Variants in TSPAN9 observed in about 807,000 individuals in gnomAD.
TSPAN9 encodes the protein tetraspanin 9, also known as tetraspanin-9.
A neutral mutation model predicts 31.0 loss-of-function variants in TSPAN9; 16 were observed. The observed-to-expected ratio is 0.52, with a 90% confidence interval of 0.35 to 0.78. TSPAN9 has a LOEUF of 0.78. Ranked by LOEUF, TSPAN9 falls within the 30% of genes least tolerant of loss-of-function variation. The pLI is 0.01. For synonymous variants in TSPAN9, 145 were observed against 121.6 expected (o/e 1.19, Z -1.27); for missense variants, 272 against 312.5 (o/e 0.87, Z 0.98).
intron 2 of TSPAN9, among the ~76,000 whole-genome samples, chr12:3,177,518 C>T (rs1027052793): frequency 6.6e-6 from 1 of 152,096 alleles, no homozygotes; most frequent in African/African-American, 2.4e-5. Context: ...CTGCACTCTC[C>T]GCCTCCTGGT....
chr12:3,086,031 T>C (rs954001515), intron 2 of TSPAN9, among the ~76,000 whole-genome samples: 23 of 152,204 alleles, frequency 1.5e-4, no homozygotes, highest in Admixed American at 1.3e-3. Context: ...CTCTTCTTCG[T>C]GCCCGTGCCT....
In TSPAN9 at chr12:3,187,378, C is replaced by T. The variant is rs996603708; in HGVS notation, c.-17-13799C>T. On this transcript the variant is annotated intron_variant, in intron 2 of 8. Coordinates refer to ENST00000011898, the MANE Select transcript of TSPAN9 (RefSeq NM_006675.5). This position sits in a 1 kb window ranked among gnomAD's most constrained non-coding sequence, Gnocchi z 5.2. The stretch of plus-strand genomic sequence containing the variant: ...CAGCCTGCTTCCTTCCTTCCTCTGC[C>T]TGCCTTTGTGCAGGTGGCATGGGTA... Among the ~76,000 whole-genome samples, 2 of 152,178 alleles carry T rather than the reference C, an allele frequency of 1.3e-5. No homozygotes were observed. The highest frequency in any genetic ancestry group is 2.9e-5 in the Non-Finnish European group (2 of 68,046).
chr12:3,097,206 TC>T (rs1419496641), intron 2 of TSPAN9, among the ~76,000 whole-genome samples: 1 of 152,060 alleles, frequency 6.6e-6, no homozygotes, highest in Non-Finnish European at 1.5e-5. Flanking sequence ...GTCGTTTCTC[TC>T]CCCCTCCCAT....
At chr12:3,188,584 C>A (rs2153971855) in intron 2 of TSPAN9, among the ~76,000 whole-genome samples, 1 of 152,246 alleles carries the variant, frequency 6.6e-6, no homozygotes, top group East Asian at 1.9e-4. Flanking sequence ...AGGGGAAGAG[C>A]AGGTGTGCCC....
At chr12:3,154,484 C>T (rs1045215073) in intron 2 of TSPAN9, among the ~76,000 whole-genome samples, 1 of 152,196 alleles carries the variant, frequency 6.6e-6, no homozygotes, top group Non-Finnish European at 1.5e-5. Context: ...ACCGTGGGCT[C>T]ACCCATTCAA....
intron 3 of TSPAN9, among the ~76,000 whole-genome samples, chr12:3,249,591 T>C (rs991676981): frequency 1.3e-5 from 2 of 152,236 alleles, no homozygotes; most frequent in Admixed American, 1.3e-4. Flanking sequence ...GCCGAGCCCA[T>C]GTCTGACTTG....
At chr12:3,127,763 G>A (rs1191955504) in intron 2 of TSPAN9, among the ~76,000 whole-genome samples, 3 of 152,188 alleles carry the variant, frequency 2.0e-5, no homozygotes, top group African/African-American at 4.8e-5. Context: ...TAAGTATTAT[G>A]TACTGTCCAT....
chr12:3,206,363 A>G (rs1385339134), intron 3 of TSPAN9: 1 of 455,854 alleles, frequency 2.2e-6, no homozygotes, highest in Admixed American at 2.3e-5. Flanking sequence ...TGGAATCGGG[A>G]GGTCATCTGG....
At chr12:3,244,036 G>A (rs1281009562) in intron 3 of TSPAN9, among the ~76,000 whole-genome samples, 2 of 152,218 alleles carry the variant, frequency 1.3e-5, no homozygotes, top group Non-Finnish European at 2.9e-5. Context: ...CTTTCAGCTT[G>A]CCCGTTGGGA....
At chr12:3,083,350 A>G (rs950448461) in intron 1 of TSPAN9, among the ~76,000 whole-genome samples, 5 of 152,230 alleles carry the variant, frequency 3.3e-5, no homozygotes, top group African/African-American at 9.7e-5. Flanking sequence ...AGGGATGACA[A>G]ATACATGGTG....
intron 2 of TSPAN9, among the ~76,000 whole-genome samples, chr12:3,144,393 G>T (rs759928409): frequency 7.9e-5 from 12 of 152,190 alleles, no homozygotes; most frequent in Non-Finnish European, 1.3e-4. Flanking sequence ...GAGCCACTGT[G>T]CCTGGCCAGT....
At chr12:3,167,401 G>A (rs2098349073) in intron 2 of TSPAN9, among the ~76,000 whole-genome samples, 1 of 152,208 alleles carries the variant, frequency 6.6e-6, no homozygotes, top group African/African-American at 2.4e-5. Context: ...AGGGATGATA[G>A]GTAAACATAT....
intron 3 of TSPAN9, among the ~76,000 whole-genome samples, chr12:3,245,356 A>G (rs1862101967): frequency 6.6e-6 from 1 of 152,164 alleles, no homozygotes; most frequent in South Asian, 2.1e-4. Flanking sequence ...CTGGGTCTCC[A>G]CCCTGACCAT....
At position 3,201,215 on chromosome 12, in the gene TSPAN9, T is replaced by C. The variant is rs748977531; in HGVS notation, c.22T>C (p.Cys8Arg). 1.4e-5 allele frequency: 23 copies of C among 1,614,064 alleles called. No homozygotes were observed. Among genetic ancestry groups the C allele is most frequent in the Middle Eastern group, 3.3e-4 (2 of 6,084 alleles). The change falls in exon 3 of 9, where the codon TGC becomes CGC. Residue 8 changes from cysteine (C) to arginine (R), a missense_variant. By Grantham distance (180) the Cys-to-Arg change is radical. Transcript: ENST00000011898. ...CAACATGGCCAGGGGCTGCCTCTGC[T>C]GCTTGAAGTACATGATGTTCCTCTT... MARGCLC[C>R]LKYMMFLFNL...
In TSPAN9 at chr12:3,282,656, C is replaced by T. The variant is rs147175092; in HGVS notation, c.649-389C>T. On this transcript the variant is annotated intron_variant, in intron 8 of 8. Coordinates refer to ENST00000011898, the MANE Select transcript of TSPAN9 (RefSeq NM_006675.5). ...CCACCTTGGCCTCCTAAAGTGCCAC[C>T]GTGCCCGGCTGGCCTGAGTCCTGAA... Among the ~76,000 whole-genome samples, 656 of 152,314 alleles carry T rather than the reference C, an allele frequency of 4.3e-3. 6 individuals carry two copies. Among genetic ancestry groups the T allele is most frequent in the Middle Eastern group, 0.027 (8 of 294 alleles).
chr12:3,278,406 T>G lies in TSPAN9; in HGVS notation c.64-15T>G, dbSNP rs771156048. On this transcript the variant is annotated splice_polypyrimidine_tract_variant and intron_variant, in intron 3 of 8. Coordinates refer to ENST00000011898, the MANE Select transcript of TSPAN9 (RefSeq NM_006675.5). ...GAGAGCAGCGCCAGGCTAATGGGCT[T>G]TCCTTCCTTTCCAGCTCTGTGGCTG... 8 of 1,613,786 alleles carry G rather than the reference T, an allele frequency of 5.0e-6. No individual in the cohort carries two copies. The South Asian group carries it at 8.8e-5, about 18-fold the overall frequency.
chr12:3,137,698 C>A lies in TSPAN9; in HGVS notation c.-18+53979C>A, dbSNP rs563703632. Among the ~76,000 whole-genome samples, 4 of 152,304 alleles carry A rather than the reference C, an allele frequency of 2.6e-5. No individual in the cohort carries two copies. In the East Asian group the frequency reaches 5.8e-4, roughly 22 times the overall value. On this transcript the variant is annotated intron_variant, in intron 2 of 8. Coordinates refer to ENST00000011898, the MANE Select transcript of TSPAN9 (RefSeq NM_006675.5). ...TGTTGTGCTCCTGGCAGTAGGTTTG[C>A]TGAGAGGGAAGGGGGATTCCTTTCC...
intron 2 of TSPAN9, among the ~76,000 whole-genome samples, chr12:3,120,221 G>A (rs550506368): frequency 3.9e-5 from 6 of 152,304 alleles, no homozygotes; most frequent in Non-Finnish European, 5.9e-5. Flanking sequence ...GCCCTCAAGC[G>A]TGGAAAGTTT....
At position 3,280,394 on chromosome 12, in the gene TSPAN9, G is replaced by A. The variant is rs756396935; in HGVS notation, c.343G>A (p.Ala115Thr). The change falls in exon 6 of 9, where the codon GCC (alanine) becomes ACC (threonine). Residue 115 changes from alanine to threonine, a missense_variant. Ala to Thr is a moderately conservative substitution (Grantham distance 58). Transcript: ENST00000011898. This position sits in a 1 kb window ranked among gnomAD's most constrained non-coding sequence, Gnocchi z 4.5. ...FVYMDKVNEN[A>T]KKDLKEGLLL... ...CTCCGCCTGGCAGGTGAACGAGAAC[G>A]CCAAGAAGGACCTGAAGGAAGGCCT... 9.9e-6 allele frequency: 16 copies of A among 1,611,834 alleles called. No individual in the cohort carries two copies. Among genetic ancestry groups the A allele is most frequent in the East Asian group, 2.2e-5 (1 of 44,868 alleles).
Sources: allele counts gnomAD v4.1 joint callset (sites outside exome capture counted in the v4.1 genomes callset), GRCh38; gene constraint gnomAD v4.1.1; non-coding constraint Gnocchi (gnomAD v3.1); transcripts MANE v1.5; gene names NCBI Gene and HGNC (gene_info 2026-07-23, HGNC 2026-07-21).